Variants in PRKACB observed in about 807,000 individuals in gnomAD.
The protein encoded by PRKACB is protein kinase cAMP-activated catalytic subunit beta, also known as cAMP-dependent protein kinase catalytic subunit beta.
In PRKACB, 16 loss-of-function variants were observed where a neutral mutation model predicts 51.4. That is an observed-to-expected ratio of 0.31 (90% CI 0.21 to 0.47). The LOEUF (loss-of-function observed/expected upper bound fraction) is 0.47. Ranked by LOEUF, PRKACB falls within the 20% of genes least tolerant of loss-of-function variation. The pLI is 1.00. For synonymous variants in PRKACB, 147 were observed against 154.4 expected (o/e 0.95, Z 0.35); for missense variants, 309 against 464.5 (o/e 0.67, Z 3.08).
At chr1:84,144,605 G>T in intron 1 of PRKACB, 57 bp downstream of exon 1, 1 of 1,472,406 alleles carries the variant, frequency 6.8e-7, no homozygotes, top group Non-Finnish European at 9.1e-7. Flanking sequence ...GGTAATTGGA[G>T]TTTTACAATC....
At chr1:84,093,269 ATCTCTC>A (rs375522844) in intron 1 of PRKACB, among the ~76,000 whole-genome samples, 5 of 146,320 alleles carry the variant, frequency 3.4e-5, no homozygotes, top group Admixed American at 1.4e-4. Context: ...AAGTGTGTGC[ATCTCTC>A]TCTCTCTCTC....
intron 9 of PRKACB, among the ~76,000 whole-genome samples, chr1:84,216,888 C>T (rs1453280221): frequency 6.6e-6 from 1 of 152,150 alleles, no homozygotes; most frequent in East Asian, 1.9e-4. Flanking sequence ...AAACTCCAAA[C>T]CACTAAACAA....
chr1:84,111,828 G>GAT (rs569118584), intron 1 of PRKACB, among the ~76,000 whole-genome samples: 15 of 151,694 alleles, frequency 9.9e-5, no homozygotes, highest in African/African-American at 1.5e-4. Flanking sequence ...TGCAAGACCT[G>GAT]ATATATATAT....
chr1:84,182,431 T>C, intron 3 of PRKACB, 103 bp downstream of exon 3: 5 of 857,230 alleles, frequency 5.8e-6, no homozygotes, highest in Non-Finnish European at 7.8e-6. Context: ...CAGCTTCAAA[T>C]AATTTTATTA....
intron 9 of PRKACB, among the ~76,000 whole-genome samples, chr1:84,218,845 CGAT>C (rs1673250445): frequency 1.3e-5 from 2 of 152,066 alleles, no homozygotes; most frequent in Non-Finnish European, 2.9e-5. Context: ...CACCTGGGTA[CGAT>C]GATATCTCAC....
intron 1 of PRKACB, among the ~76,000 whole-genome samples, chr1:84,116,922 T>G (rs1482023057): frequency 6.6e-6 from 1 of 152,210 alleles, no homozygotes; most frequent in Non-Finnish European, 1.5e-5. Flanking sequence ...TTTTCAACTT[T>G]TCCCCATTTA....
chr1:84,105,256 C>T (rs980077723), intron 1 of PRKACB, among the ~76,000 whole-genome samples: 7 of 152,042 alleles, frequency 4.6e-5, no homozygotes, highest in African/African-American at 1.4e-4. Flanking sequence ...AATACAACTG[C>T]GGTCACTCCT....
chr1:84,179,831 T>C (rs1662611472), intron 2 of PRKACB, among the ~76,000 whole-genome samples: 1 of 151,838 alleles, frequency 6.6e-6, no homozygotes, highest in African/African-American at 2.4e-5. Context: ...AGTTCTGGGT[T>C]GCATGTGCAG....
chr1:84,107,084 A>C (rs1274776259), intron 1 of PRKACB, among the ~76,000 whole-genome samples: 3 of 152,084 alleles, frequency 2.0e-5, no homozygotes, highest in Non-Finnish European at 4.4e-5. Context: ...CACACCCCCA[A>C]GTCACAAGTT....
intron 2 of PRKACB, among the ~76,000 whole-genome samples, chr1:84,180,046 CAAAA>C (rs761445098): frequency 2.0e-5 from 1 of 51,010 alleles, no homozygotes; most frequent in Admixed American, 2.2e-4. Flanking sequence ...ACATAAAGAC[CAAAA>C]AAAAAAAAAA....
At chr1:84,235,118 T>C (rs1676523424) in intron 9 of PRKACB, 62 bp from the exon 10 acceptor site, 1 of 1,524,028 alleles carries the variant, frequency 6.6e-7, no homozygotes, top group African/African-American at 1.4e-5. Flanking sequence ...TTTCTTGGTG[T>C]TTGGAAACTC....
intron 1 of PRKACB, among the ~76,000 whole-genome samples, chr1:84,132,912 A>C (rs1340266048): frequency 6.6e-6 from 1 of 152,070 alleles, no homozygotes; most frequent in Non-Finnish European, 1.5e-5. Flanking sequence ...TGATTTATCT[A>C]TCATTGGAAT....
At chr1:84,194,889 C>G in intron 5 of PRKACB, among the ~76,000 whole-genome samples, 1 of 151,930 alleles carries the variant, frequency 6.6e-6, no homozygotes, top group East Asian at 1.9e-4. Flanking sequence ...AGTGATCATG[C>G]TACAGCACTC....
In PRKACB at chr1:84,196,768, C is replaced by CATTATGTGTTATG. The variant is rs1245308158; in HGVS notation, c.687+26_687+27insATTATGTGTTATG. ...GTATGACTTTAACACATTATGTGTA[C>CATTATGTGTTATG]TGTATATGAGAAAATACTAGGCAAG... On this transcript the variant is annotated intron_variant, in intron 6 of 9. Coordinates refer to ENST00000370685, the MANE Select transcript of PRKACB (RefSeq NM_182948.4). The CATTATGTGTTATG allele has an allele frequency of 1.9e-6, 3 of 1,602,168 alleles. No homozygotes were observed. The South Asian group carries it at 3.3e-5, about 18-fold the overall frequency.
intron 1 of PRKACB, among the ~76,000 whole-genome samples, chr1:84,106,338 A>G (rs1649746273): frequency 6.6e-6 from 1 of 152,194 alleles, no homozygotes. Context: ...TGCAGATGAC[A>G]TGATTCTATA....
chr1:84,140,387 C>A (rs1653288054), upstream of PRKACB, among the ~76,000 whole-genome samples: 1 of 152,152 alleles, frequency 6.6e-6, no homozygotes, highest in Non-Finnish European at 1.5e-5. Context: ...AGAAGCCAAT[C>A]TGAAAATGTT....
intron 1 of PRKACB, among the ~76,000 whole-genome samples, chr1:84,096,603 T>A (rs1425959302): frequency 3.9e-5 from 6 of 152,154 alleles, no homozygotes; most frequent in African/African-American, 1.2e-4. Flanking sequence ...ACCTTGGTGT[T>A]CCTCAAAACC....
intron 1 of PRKACB, among the ~76,000 whole-genome samples, chr1:84,133,660 C>T (rs1652489394): frequency 6.6e-6 from 1 of 152,160 alleles, no homozygotes; most frequent in South Asian, 2.1e-4. Flanking sequence ...GATCTGCTGC[C>T]CTCTACCCCT....
chr1:84,229,776 G>A (rs1393646991), intron 9 of PRKACB, among the ~76,000 whole-genome samples: 1 of 151,598 alleles, frequency 6.6e-6, no homozygotes, highest in Non-Finnish European at 1.5e-5. Context: ...TTTTGATGGG[G>A]TTGTTTATTT....
Sources: allele counts gnomAD v4.1 joint callset (sites outside exome capture counted in the v4.1 genomes callset), GRCh38; gene constraint gnomAD v4.1.1; transcripts MANE v1.5; gene names NCBI Gene and HGNC (gene_info 2026-07-23, HGNC 2026-07-21).